Variants in CPNE8 observed in about 807,000 individuals in gnomAD.
CPNE8 encodes the protein copine-8.
Under a neutral mutation model 81.5 loss-of-function variants are expected in CPNE8, and 45 were observed. The observed-to-expected ratio is 0.55, with a 90% CI of 0.44 to 0.71. CPNE8 has a LOEUF of 0.71. Among genes scored for constraint, CPNE8 ranks in the 30% least tolerant of loss-of-function variants. CPNE8 has a pLI of 0.00. For missense variants in CPNE8, 594 were observed against 672.1 expected (o/e 0.88, Z 1.28); for synonymous variants, 252 against 226.3 (o/e 1.11, Z -1.02).
At chr12:38,839,247 C>T (rs1264354147) in intron 5 of CPNE8, among the ~76,000 whole-genome samples, 1 of 151,740 alleles carries the variant, frequency 6.6e-6, no homozygotes, top group Non-Finnish European at 1.5e-5. Flanking sequence ...GTATCTCACT[C>T]TCATTCCTCC....
chr12:38,662,261 G>A (rs1354371954), intron 19 of CPNE8, among the ~76,000 whole-genome samples: 2 of 151,976 alleles, frequency 1.3e-5, no homozygotes, highest in Non-Finnish European at 2.9e-5. Context: ...AAAACCCTGA[G>A]AATACCACAA....
intron 10 of CPNE8, among the ~76,000 whole-genome samples, chr12:38,740,617 C>G (rs1270099120): frequency 2.6e-5 from 4 of 152,160 alleles, no homozygotes; most frequent in African/African-American, 9.7e-5. Flanking sequence ...TGAATTTTGT[C>G]AAAGGCCTTT....
chr12:38,846,532 G>A (rs557459807), intron 4 of CPNE8, among the ~76,000 whole-genome samples: 1 of 152,154 alleles, frequency 6.6e-6, no homozygotes, highest in South Asian at 2.1e-4. Context: ...TGTTCTTTAG[G>A]GTTACATTGG....
Position 38,653,977 on chromosome 12 carries a change from G to T in CPNE8, c.1600C>A (p.Gln534Lys). 1.9e-6 allele frequency: 3 copies of T among 1,613,734 alleles called. No homozygotes were observed. The highest frequency in any genetic ancestry group is 2.5e-6 in the Non-Finnish European group (3 of 1,179,926). ...AKDVLAEIPE[Q>K]FLSYMRARGI... ...CGGGCTCTCATATAGGAGAGAAACT[G>T]CTCAGGGATCTCAGCTAGGACATCT... The change falls in exon 20 of 20, where the codon CAG becomes AAG. Residue 534 changes from glutamine (Q) to lysine (K), a missense_variant. Physicochemically the swap from Gln to Lys is moderately conservative, Grantham distance 53. Coordinates refer to ENST00000331366, the MANE Select transcript of CPNE8 (RefSeq NM_153634.3).
At chr12:38,811,609 C>T (rs1942937034) in intron 6 of CPNE8, among the ~76,000 whole-genome samples, 1 of 151,808 alleles carries the variant, frequency 6.6e-6, no homozygotes, top group East Asian at 1.9e-4. Context: ...AGTCCCAGCA[C>T]TTTCAGAGGC....
chr12:38,798,791 A>C (rs1021806366), intron 6 of CPNE8, among the ~76,000 whole-genome samples: 1 of 152,228 alleles, frequency 6.6e-6, no homozygotes, highest in Non-Finnish European at 1.5e-5. Flanking sequence ...AGTGTGCTGT[A>C]TTCAGGAAAC....
Position 38,873,042 on chromosome 12 carries a change from A to C in CPNE8, c.148T>G (p.Leu50Val). The C allele has an allele frequency of 6.4e-7, 1 of 1,550,390 alleles. No homozygotes were observed. The highest frequency in any genetic ancestry group is 8.9e-7 in the Non-Finnish European group (1 of 1,128,026). Residue 50 changes from leucine (L) to valine (V), a missense_variant, in exon 3 of 20, where the codon TTA becomes GTA. Transcript: ENST00000331366. Reference sequence around the variant, plus strand: ...TTATTTCCAACTCCTTGTACATATAAGACACAAACTACAAAAGATGAAAAA... The same window carrying C: ...TTATTTCCAACTCCTTGTACATATACGACACAAACTACAAAAGATGAAAAA... ...TFSKSDPICV[L>V]YVQGVGNKEW...
chr12:38,792,494 T>C (rs1033625410), intron 6 of CPNE8, among the ~76,000 whole-genome samples: 1 of 151,522 alleles, frequency 6.6e-6, no homozygotes, highest in African/African-American at 2.4e-5. Context: ...ATTGACACAT[T>C]CTTGGAAATA....
chr12:38,890,233 TG>T (rs1944294998), intron 1 of CPNE8, among the ~76,000 whole-genome samples: 1 of 152,198 alleles, frequency 6.6e-6, no homozygotes, highest in Non-Finnish European at 1.5e-5. Context: ...TGGAAAGACT[TG>T]ATGTAATCAG....
chr12:38,764,673 GGCAGA>G (rs1026465165), intron 8 of CPNE8, among the ~76,000 whole-genome samples: 1 of 149,738 alleles, frequency 6.7e-6, no homozygotes, highest in African/African-American at 2.5e-5. Flanking sequence ...ACAGAGGGAA[GGCAGA>G]GCTGTATGTT....
chr12:38,715,991 C>A (rs1402626649), intron 13 of CPNE8, among the ~76,000 whole-genome samples: 1 of 151,986 alleles, frequency 6.6e-6, no homozygotes, highest in Non-Finnish European at 1.5e-5. Context: ...CACTGCTGTA[C>A]ACTAACAGTG....
At chr12:38,838,689 T>C (rs1430334234) in intron 5 of CPNE8, among the ~76,000 whole-genome samples, 2 of 152,142 alleles carry the variant, frequency 1.3e-5, no homozygotes, top group Admixed American at 6.5e-5. Flanking sequence ...AATAAGCTTG[T>C]TGCAGCATTT....
At chr12:38,874,639 A>G in intron 1 of CPNE8, 128 bp from the exon 2 acceptor site, 1 of 542,056 alleles carries the variant, frequency 1.8e-6, no homozygotes, top group Non-Finnish European at 3.3e-6. Flanking sequence ...ACACACATAT[A>G]CATATATATG....
intron 7 of CPNE8, among the ~76,000 whole-genome samples, 177 bp downstream of exon 7, chr12:38,776,061 C>T (rs1941927905): frequency 6.6e-6 from 1 of 152,028 alleles, no homozygotes; most frequent in Non-Finnish European, 1.5e-5. Flanking sequence ...ACTTTTCAGA[C>T]TATGAAATAC....
At chr12:38,732,477 C>T (rs1940853186) in intron 10 of CPNE8, among the ~76,000 whole-genome samples, 1 of 151,944 alleles carries the variant, frequency 6.6e-6, no homozygotes, top group Non-Finnish European at 1.5e-5. Flanking sequence ...TAAGCCTCTA[C>T]AGAATTGAGC....
chr12:38,861,814 T>C (rs1000722143), intron 3 of CPNE8, among the ~76,000 whole-genome samples: 4 of 152,158 alleles, frequency 2.6e-5, no homozygotes, highest in African/African-American at 9.7e-5. Flanking sequence ...TACTAAAGAT[T>C]GATTTTTATA....
chr12:38,902,385 G>GAAAGAAAGAAAGAAAGA (rs1565670274), intron 1 of CPNE8, among the ~76,000 whole-genome samples: 1 of 65,472 alleles, frequency 1.5e-5, no homozygotes, highest in Non-Finnish European at 2.8e-5. Context: ...AGAAAGAAAA[G>GAAAGAAAGAAAGAAAGA]AAAGAAAGAG....
At chr12:38,691,749 C>G (rs1026304445) in intron 15 of CPNE8, among the ~76,000 whole-genome samples, 4 of 152,088 alleles carry the variant, frequency 2.6e-5, no homozygotes, top group African/African-American at 9.7e-5. Context: ...CTGGAAAGTC[C>G]AAGATCAAGA....
intron 16 of CPNE8, among the ~76,000 whole-genome samples, chr12:38,684,070 A>AT (rs1201071638): frequency 1.3e-5 from 2 of 152,066 alleles, no homozygotes; most frequent in Non-Finnish European, 2.9e-5. Flanking sequence ...AATTCTTGTC[A>AT]TTTTTCTCTT....
Sources: gnomAD v4.1 joint callset for allele counts (sites outside exome capture counted in the v4.1 genomes callset) on GRCh38, gnomAD v4.1.1 for gene constraint, MANE v1.5 for transcripts, NCBI Gene and HGNC (gene_info 2026-07-23, HGNC 2026-07-21) for gene names.